Variants in CDH12 observed in about 807,000 individuals in gnomAD.
CDH12 encodes the protein cadherin 12.
Under a neutral mutation model 74.1 loss-of-function variants are expected in CDH12, and 41 were observed. The ratio of observed to expected loss-of-function variants is 0.55; its 90% CI spans 0.43 to 0.72. The LOEUF is 0.72. CDH12 is among the 30% of genes least tolerant of loss of function. The probability of loss-of-function intolerance (pLI) is 0.00; values close to 1 mark genes in which losing one functional copy is unlikely to be tolerated. For synonymous variants in CDH12, 399 were observed against 355.0 expected, an observed-to-expected ratio of 1.12 and a Z score of -1.39; for missense variants, 945 against 977.2, an observed-to-expected ratio of 0.97 and a Z score of 0.44.
At chr5:22,622,469 T>TA (rs893379285) in intron 1 of CDH12, among the ~76,000 whole-genome samples, 3 of 151,770 alleles carry the variant, frequency 2.0e-5, no homozygotes, top group East Asian at 1.9e-4. Context: ...ATACATGCAA[T>TA]AAAAAAATGA....
At chr5:22,136,691 C>T (rs1263099476) in intron 4 of CDH12, among the ~76,000 whole-genome samples, 1 of 150,654 alleles carries the variant, frequency 6.6e-6, no homozygotes, top group African/African-American at 2.5e-5. Flanking sequence ...GTTTCTACCA[C>T]TGTGGTGTCA....
chr5:22,257,513 A>G (rs1580453894), intron 3 of CDH12, among the ~76,000 whole-genome samples: 2 of 107,712 alleles, frequency 1.9e-5, no homozygotes, highest in Non-Finnish European at 4.0e-5. Flanking sequence ...TTATTTATTT[A>G]TTTTGAGACA....
chr5:22,702,709 C>G (rs1742780219), intron 1 of CDH12, among the ~76,000 whole-genome samples: 1 of 151,956 alleles, frequency 6.6e-6, no homozygotes, highest in Non-Finnish European at 1.5e-5. Flanking sequence ...CATCAGAATA[C>G]AAGCTTGATA....
chr5:21,827,484 A>G (rs4642327), intron 8 of CDH12, among the ~76,000 whole-genome samples: 94,643 of 151,868 alleles, frequency 0.62, 31,056 homozygotes, highest in Non-Finnish European at 0.73. Flanking sequence ...AAGAAAGAAA[A>G]GAAAACTTAT....
intron 4 of CDH12, among the ~76,000 whole-genome samples, chr5:22,148,703 A>T (rs554829484): frequency 1.3e-5 from 2 of 152,280 alleles, no homozygotes; most frequent in East Asian, 3.9e-4. Context: ...ACTCCGTGGC[A>T]TTCCTTGATT....
intron 6 of CDH12, among the ~76,000 whole-genome samples, chr5:21,926,027 T>G (rs1754570367): frequency 6.6e-6 from 1 of 152,202 alleles, no homozygotes; most frequent in African/African-American, 2.4e-5. Flanking sequence ...AATACACATC[T>G]TGTCATCTTT....
intron 3 of CDH12, among the ~76,000 whole-genome samples, chr5:22,293,450 T>C (rs1039369961): frequency 4.6e-5 from 7 of 152,196 alleles, no homozygotes; most frequent in African/African-American, 1.7e-4. Flanking sequence ...CATAGGATTA[T>C]GCAATCCCAC....
chr5:22,746,328 A>C (rs551696931), intron 1 of CDH12, among the ~76,000 whole-genome samples: 1 of 152,296 alleles, frequency 6.6e-6, no homozygotes, highest in African/African-American at 2.4e-5. Context: ...CAATTTTAAA[A>C]AAAGAAGGTC....
intron 4 of CDH12, among the ~76,000 whole-genome samples, chr5:22,205,259 A>G (rs1363075815): frequency 6.6e-6 from 1 of 152,212 alleles, no homozygotes; most frequent in African/African-American, 2.4e-5. Context: ...TGTAACAGAC[A>G]CTATCTTAGG....
intron 6 of CDH12, among the ~76,000 whole-genome samples, chr5:21,933,525 G>T (rs1754939417): frequency 6.6e-6 from 1 of 152,130 alleles, no homozygotes; most frequent in Non-Finnish European, 1.5e-5. Flanking sequence ...TGGGAGGAAG[G>T]TTTATTTAAA....
At chr5:21,765,556 A>AAG (rs1264231774) in intron 11 of CDH12, among the ~76,000 whole-genome samples, 1,658 of 150,866 alleles carry the variant, frequency 0.011, 28 homozygotes, top group African/African-American at 0.036. Context: ...AAAAAAAAAA[A>AAG]GGGGAAAGAA....
chr5:22,043,651 G>A (rs138120571), intron 5 of CDH12, among the ~76,000 whole-genome samples: 1 of 151,480 alleles, frequency 6.6e-6, no homozygotes, highest in Non-Finnish European at 1.5e-5. Context: ...AACATTCACT[G>A]TCCCTGTTTG....
At chr5:22,227,574 T>G (rs1411636927) in intron 3 of CDH12, among the ~76,000 whole-genome samples, 3 of 152,138 alleles carry the variant, frequency 2.0e-5, no homozygotes, top group African/African-American at 4.8e-5. Flanking sequence ...ATAATTTAGA[T>G]CCCTTGAGAA....
At chr5:22,801,983 A>C (rs1248172758) in intron 1 of CDH12, among the ~76,000 whole-genome samples, 3 of 151,808 alleles carry the variant, frequency 2.0e-5, no homozygotes, top group Non-Finnish European at 4.4e-5. Flanking sequence ...TACCATCCTT[A>C]ATATCCCTTA....
At chr5:21,808,636 A>G (rs1481336274) in intron 9 of CDH12, among the ~76,000 whole-genome samples, 1 of 152,112 alleles carries the variant, frequency 6.6e-6, no homozygotes, top group Non-Finnish European at 1.5e-5. Flanking sequence ...TAGGTTTATT[A>G]CACTAGGCTG....
intron 1 of CDH12, among the ~76,000 whole-genome samples, chr5:22,588,579 G>C (rs989185961): frequency 3.9e-5 from 6 of 152,040 alleles, no homozygotes; most frequent in African/African-American, 1.2e-4. Context: ...AAACTGTTAA[G>C]AGAATTGCCA....
intron 4 of CDH12, among the ~76,000 whole-genome samples, chr5:22,167,979 T>C (rs1440806797): frequency 1.3e-5 from 2 of 152,086 alleles, no homozygotes; most frequent in Non-Finnish European, 2.9e-5. Flanking sequence ...ATAAGGTTCT[T>C]TTTCCTCTCA....
At chr5:22,343,311 C>CAG (rs1491171893) in intron 3 of CDH12, among the ~76,000 whole-genome samples, 1 of 128,216 alleles carries the variant, frequency 7.8e-6, no homozygotes, top group Non-Finnish European at 1.6e-5. Context: ...CACACACACA[C>CAG]AGACACACAC....
chr5:22,492,837 A>G (rs564447328), intron 2 of CDH12, among the ~76,000 whole-genome samples: 94 of 152,042 alleles, frequency 6.2e-4, no homozygotes, highest in African/African-American at 2.1e-3. Flanking sequence ...TGAGGTCACC[A>G]ATTATTTTTT....
Sources: allele counts gnomAD v4.1 joint callset (sites outside exome capture counted in the v4.1 genomes callset), GRCh38; gene constraint gnomAD v4.1.1; transcripts MANE v1.5; gene names NCBI Gene and HGNC (gene_info 2026-07-23, HGNC 2026-07-21).